The following CNTNAP2 variants were observed in gnomAD, a reference collection of about 807,000 sequenced individuals.
CNTNAP2 encodes the protein contactin associated protein 2, also known as contactin-associated protein-like 2.
In CNTNAP2, 98 loss-of-function variants were observed where a neutral mutation model predicts 155.2. The ratio of observed to expected loss-of-function variants is 0.63; its 90% confidence interval spans 0.54 to 0.75. The LOEUF is 0.75. CNTNAP2 is among the 30% of genes least tolerant of loss of function. The pLI is 0.00. For synonymous variants in CNTNAP2, 651 were observed against 631.2 expected (o/e 1.03, Z -0.47); for missense variants, 1,727 against 1,688.1 (o/e 1.02, Z -0.40).
intron 10 of CNTNAP2, among the ~76,000 whole-genome samples, chr7:147,439,137 T>C (rs1797599010): frequency 6.6e-6 from 1 of 152,026 alleles, no homozygotes; most frequent in South Asian, 2.1e-4. Context: ...ATCTTGTGTT[T>C]GGTTTGTTCC....
In CNTNAP2 at chr7:148,415,605, T is replaced by TGGCTCATTTG. The variant is rs745475343; in HGVS notation, c.3986_3995dup (p.Ter1332TrpfsTer13). 1 of 1,614,104 alleles carries TGGCTCATTTG rather than the reference T, an allele frequency of 6.2e-7. No homozygotes were observed. The highest frequency in any genetic ancestry group is 1.1e-5 in the South Asian group (1 of 91,078). Reference sequence around the variant, plus strand: ...GACCATTGATGAAAGCAAAAAGGAATGGCTCATTTGAGGGGTGGCTACTTG... The same window carrying TGGCTCATTTG: ...GACCATTGATGAAAGCAAAAAGGAATGGCTCATTTGGGCTCATTTGAGGGGTGGCTACTTG... On this transcript the variant is annotated frameshift_variant, in exon 24 of 24. Transcript: ENST00000361727. LOFTEE classifies it high-confidence loss of function.
intron 1 of CNTNAP2, among the ~76,000 whole-genome samples, chr7:146,515,919 A>G (rs181427470): frequency 6.6e-6 from 1 of 152,180 alleles, no homozygotes; most frequent in East Asian, 1.9e-4. Flanking sequence ...CTATCTCAAT[A>G]TGTCAGTAAA....
intron 3 of CNTNAP2, among the ~76,000 whole-genome samples, chr7:147,001,562 TA>T (rs1798422869): frequency 6.6e-6 from 1 of 152,066 alleles, no homozygotes; most frequent in African/African-American, 2.4e-5. Flanking sequence ...CTTCATTTTT[TA>T]AATTCTGTAC....
At chr7:147,428,471 TTACA>T (rs1432915212) in intron 10 of CNTNAP2, among the ~76,000 whole-genome samples, 1 of 152,180 alleles carries the variant, frequency 6.6e-6, no homozygotes, top group Non-Finnish European at 1.5e-5. Context: ...ACAATTAGCG[TTACA>T]TAAATTGCAT....
At chr7:147,631,240 T>A (rs973169186) in intron 12 of CNTNAP2, among the ~76,000 whole-genome samples, 1 of 151,800 alleles carries the variant, frequency 6.6e-6, no homozygotes, top group African/African-American at 2.4e-5. Flanking sequence ...CACAAAGTAA[T>A]AATAATAATA....
chr7:147,728,191 G>A (rs1460748981), intron 13 of CNTNAP2, among the ~76,000 whole-genome samples: 1 of 151,754 alleles, frequency 6.6e-6, no homozygotes, highest in African/African-American at 2.4e-5. Context: ...GTGTGTGTGT[G>A]TGTGTGATCA....
chr7:148,089,545 A>C (rs1280164136), intron 15 of CNTNAP2, among the ~76,000 whole-genome samples: 2 of 151,936 alleles, frequency 1.3e-5, no homozygotes, highest in African/African-American at 4.8e-5. Flanking sequence ...AAACAATTTC[A>C]TTTACAATAC....
At chr7:146,927,210 G>T (rs183714992) in intron 3 of CNTNAP2, among the ~76,000 whole-genome samples, 35 of 152,138 alleles carry the variant, frequency 2.3e-4, no homozygotes, top group Non-Finnish European at 1.0e-4. Context: ...TAAGTTCCAA[G>T]AACTGATGAG....
chr7:146,688,449 TA>T (rs200613207), intron 1 of CNTNAP2, among the ~76,000 whole-genome samples: 1,524 of 151,876 alleles, frequency 0.01, 23 homozygotes, highest in African/African-American at 0.035. Flanking sequence ...CAAAGGGAGA[TA>T]GGGGTGGGGC....
At chr7:147,776,283 A>G (rs1274455330) in intron 13 of CNTNAP2, among the ~76,000 whole-genome samples, 1 of 137,972 alleles carries the variant, frequency 7.2e-6, no homozygotes, top group Admixed American at 7.6e-5. Context: ...TTTTTTTTTC[A>G]TGCCTTGTAA....
chr7:147,066,046 C>T (rs539614221), intron 4 of CNTNAP2, among the ~76,000 whole-genome samples: 15 of 151,884 alleles, frequency 9.9e-5, no homozygotes, highest in African/African-American at 3.6e-4. Flanking sequence ...AACAAAGAAA[C>T]AAAAAACCTT....
chr7:147,966,064 A>T (rs572471944), intron 14 of CNTNAP2, among the ~76,000 whole-genome samples: 4 of 152,274 alleles, frequency 2.6e-5, no homozygotes, highest in Admixed American at 6.5e-5. Context: ...TGAAGTGGGA[A>T]TAACAAAGTA....
At chr7:146,329,105 C>T (rs970228669) in intron 1 of CNTNAP2, among the ~76,000 whole-genome samples, 3 of 152,128 alleles carry the variant, frequency 2.0e-5, no homozygotes, top group East Asian at 3.9e-4. Context: ...AAGAAACTTC[C>T]ATAATGACTT....
At chr7:146,224,332 G>A (rs751158009) in intron 1 of CNTNAP2, among the ~76,000 whole-genome samples, 14 of 151,662 alleles carry the variant, frequency 9.2e-5, no homozygotes, top group African/African-American at 1.5e-4. Context: ...TATAATTGAC[G>A]GTTTTATTGT....
intron 1 of CNTNAP2, among the ~76,000 whole-genome samples, chr7:146,163,076 C>G (rs550578020): frequency 1.4e-4 from 22 of 152,196 alleles, no homozygotes; most frequent in African/African-American, 5.3e-4. Flanking sequence ...TTAACGGGTG[C>G]AGCACACCAA....
chr7:148,109,883 C>T (rs1804309669), intron 15 of CNTNAP2, among the ~76,000 whole-genome samples: 1 of 152,170 alleles, frequency 6.6e-6, no homozygotes, highest in Non-Finnish European at 1.5e-5. Context: ...AGTAAATTTA[C>T]TTAATCTAAA....
intron 10 of CNTNAP2, among the ~76,000 whole-genome samples, chr7:147,431,029 C>T (rs1015974210): frequency 5.5e-5 from 8 of 145,042 alleles, no homozygotes; most frequent in East Asian, 2.0e-4. Context: ...CCAGGCTGGG[C>T]GACAGAGTGA....
At chr7:148,367,591 T>C (rs1798808315) in intron 21 of CNTNAP2, among the ~76,000 whole-genome samples, 1 of 152,132 alleles carries the variant, frequency 6.6e-6, no homozygotes, top group African/African-American at 2.4e-5. Flanking sequence ...AGACAGATAT[T>C]CAGCTGGAAA....
chr7:148,146,642 A>G (rs1164684244), intron 16 of CNTNAP2, among the ~76,000 whole-genome samples: 1 of 152,210 alleles, frequency 6.6e-6, no homozygotes, highest in Non-Finnish European at 1.5e-5. Context: ...CAAGGTTTGC[A>G]ACAGACGATG....
Sources: allele counts gnomAD v4.1 joint callset (sites outside exome capture counted in the v4.1 genomes callset), GRCh38; gene constraint gnomAD v4.1.1; transcripts MANE v1.5; gene names NCBI Gene and HGNC (gene_info 2026-07-23, HGNC 2026-07-21).